Variants in IPO11 observed in about 807,000 individuals in gnomAD.
The protein encoded by IPO11 is importin 11.
A neutral mutation model predicts 143.2 loss-of-function variants in IPO11; 66 were observed. The observed-to-expected ratio is 0.46, with a 90% CI of 0.38 to 0.57. IPO11 has a LOEUF of 0.57. IPO11 is among the 20% of genes least tolerant of loss of function. The pLI, the probability that IPO11 is intolerant of heterozygous loss-of-function variation, is 0.00. For synonymous variants in IPO11, 385 were observed against 377.8 expected (o/e 1.02, Z -0.22); for missense variants, 1,026 against 1,141.0 (o/e 0.90, Z 1.45).
chr5:62,450,048 C>A, intron 4 of IPO11, 49 bp downstream of exon 4: 1 of 1,185,014 alleles, frequency 8.4e-7, no homozygotes, highest in Non-Finnish European at 1.2e-6. Flanking sequence ...TACTGCTTTT[C>A]CAAACTAATT....
chr5:62,560,897 C>CTA (rs1320543571), intron 26 of IPO11: 1 of 305,406 alleles, frequency 3.3e-6, no homozygotes, highest in Non-Finnish European at 6.0e-6. Flanking sequence ...CACTCATGGG[C>CTA]TACATACATG....
chr5:62,518,612 T>C (rs1742104175), intron 20 of IPO11, among the ~76,000 whole-genome samples: 1 of 152,108 alleles, frequency 6.6e-6, no homozygotes, highest in Non-Finnish European at 1.5e-5. Flanking sequence ...AGACCCTGTC[T>C]CAAAAATAAT....
At chr5:62,489,376 G>A (rs1746524287) in intron 14 of IPO11, 27 bp downstream of exon 14, 11 of 1,492,406 alleles carry the variant, frequency 7.4e-6, no homozygotes, top group East Asian at 4.8e-5. Flanking sequence ...TGATTTAGAA[G>A]CATTTATTTA....
intron 29 of IPO11, among the ~76,000 whole-genome samples, chr5:62,607,326 T>C (rs1273415505): frequency 1.3e-5 from 2 of 152,198 alleles, no homozygotes; most frequent in Non-Finnish European, 2.9e-5. Context: ...AAATCTTTAT[T>C]CCAAATATAA....
chr5:62,617,704 C>A (rs941439950), intron 29 of IPO11, among the ~76,000 whole-genome samples: 4 of 151,730 alleles, frequency 2.6e-5, no homozygotes, highest in Non-Finnish European at 4.4e-5. Context: ...TGGAGACAGT[C>A]CTAAATTGCA....
At chr5:62,496,648 C>T (rs1164956290) in intron 16 of IPO11, among the ~76,000 whole-genome samples, 1 of 152,150 alleles carries the variant, frequency 6.6e-6, no homozygotes, top group Non-Finnish European at 1.5e-5. Context: ...ATATCTTATA[C>T]ATGCATACCT....
At position 62,550,385 on chromosome 5, in the gene IPO11, A is replaced by G; in HGVS notation, c.2269A>G (p.Lys757Glu). ...QVLKVVENAL[K>E]VNPILGPQMF... Reference sequence around the variant, plus strand: ...TTTTTAGGTTGTGGAAAATGCCCTTAAAGTGAACCCAATACTAGGTCCACA... The same window carrying G: ...TTTTTAGGTTGTGGAAAATGCCCTTGAAGTGAACCCAATACTAGGTCCACA... Residue 757 changes from lysine to glutamate, a missense_variant, in exon 25 of 30, where the codon AAA becomes GAA. Physicochemically the swap from Lys to Glu is moderately conservative, Grantham distance 56 (BLOSUM62 1). This residue lies in a region of IPO11 where 351 missense variants were observed against 358.9 expected (regional missense o/e 0.98). Transcript: ENST00000325324. The G allele has an allele frequency of 6.2e-7, 1 of 1,612,850 alleles. No individual in the cohort carries two copies. The highest frequency in any genetic ancestry group is 8.5e-7 in the Non-Finnish European group (1 of 1,179,108).
intron 12 of IPO11, among the ~76,000 whole-genome samples, chr5:62,485,900 TAAG>T (rs1746382236): frequency 6.7e-6 from 1 of 150,202 alleles, no homozygotes; most frequent in African/African-American, 2.4e-5. Flanking sequence ...GTCAGACAGA[TAAG>T]AAACTGTTTA....
At chr5:62,524,684 G>C (rs1742312174) in intron 20 of IPO11, among the ~76,000 whole-genome samples, 1 of 152,014 alleles carries the variant, frequency 6.6e-6, no homozygotes, top group African/African-American at 2.4e-5. Flanking sequence ...TTTAACATAA[G>C]TTCTGGAGAT....
At chr5:62,456,346 C>G (rs1470950077) in intron 5 of IPO11, among the ~76,000 whole-genome samples, 1 of 152,058 alleles carries the variant, frequency 6.6e-6, no homozygotes, top group South Asian at 2.1e-4. Context: ...ACATATAAAC[C>G]TAAATATAAT....
chr5:62,587,508 G>T (rs1199765589), intron 27 of IPO11, among the ~76,000 whole-genome samples: 1 of 151,838 alleles, frequency 6.6e-6, no homozygotes, highest in East Asian at 1.9e-4. Flanking sequence ...TAGGTAATGG[G>T]TTTATTACAT....
intron 28 of IPO11, among the ~76,000 whole-genome samples, chr5:62,597,264 A>AG (rs749644264): frequency 2.0e-5 from 3 of 152,220 alleles, no homozygotes; most frequent in Non-Finnish European, 2.9e-5. Flanking sequence ...GATAAAAAAA[A>AG]GAAACATTAG....
chr5:62,449,272 C>T (rs1289895955), intron 3 of IPO11, among the ~76,000 whole-genome samples: 4 of 152,200 alleles, frequency 2.6e-5, no homozygotes, highest in Non-Finnish European at 4.4e-5. Flanking sequence ...GTAGTGTTCT[C>T]CTTTCCTGTC....
At chr5:62,550,693 A>G (rs1241888793) in intron 25 of IPO11, among the ~76,000 whole-genome samples, 1 of 152,182 alleles carries the variant, frequency 6.6e-6, no homozygotes, top group Non-Finnish European at 1.5e-5. Flanking sequence ...CACAAAAATC[A>G]TTTGAAGTAC....
At chr5:62,419,810 A>G (rs566919229) in intron 1 of IPO11, among the ~76,000 whole-genome samples, 4 of 152,208 alleles carry the variant, frequency 2.6e-5, no homozygotes, top group African/African-American at 9.6e-5. Flanking sequence ...CCAGGGCAAC[A>G]TAGCCAGACC....
intron 1 of IPO11, among the ~76,000 whole-genome samples, chr5:62,415,905 T>C (rs1743279922): frequency 6.6e-6 from 1 of 152,234 alleles, no homozygotes; most frequent in Admixed American, 6.5e-5. Context: ...TCTAATGATA[T>C]TCTGAGTTTT....
chr5:62,473,151 A>T (rs968667969), intron 7 of IPO11, among the ~76,000 whole-genome samples: 5 of 152,220 alleles, frequency 3.3e-5, no homozygotes, highest in African/African-American at 1.2e-4. Flanking sequence ...AAGATGATGC[A>T]GTAGTGAAGT....
chr5:62,470,206 T>C (rs922315240), intron 6 of IPO11, 44 bp from the exon 7 acceptor site: 1 of 1,538,312 alleles, frequency 6.5e-7, no homozygotes, highest in African/African-American at 1.4e-5. Flanking sequence ...GTAATTTTAG[T>C]AGGATAAAAT....
chr5:62,515,156 A>G (rs1303971866), intron 19 of IPO11, among the ~76,000 whole-genome samples: 1 of 152,190 alleles, frequency 6.6e-6, no homozygotes, highest in Non-Finnish European at 1.5e-5. Flanking sequence ...ATTTTATTTC[A>G]TTCAGTACAC....
Sources: allele counts gnomAD v4.1 joint callset (sites outside exome capture counted in the v4.1 genomes callset), GRCh38; gene constraint gnomAD v4.1.1; regional missense constraint gnomAD v4.1.1; transcripts MANE v1.5; gene names NCBI Gene and HGNC (gene_info 2026-07-23, HGNC 2026-07-21).